NPHP1: variants seen among roughly 807,000 people sequenced by gnomAD.
NPHP1 encodes nephrocystin 1.
A neutral mutation model predicts 90.4 loss-of-function variants in NPHP1; 70 were observed. That is an observed-to-expected ratio of 0.77 (90% confidence interval 0.64 to 0.95). The LOEUF (loss-of-function observed/expected upper bound fraction) is 0.95, where lower values mean the gene tolerates loss of function less well. Among genes scored for constraint, NPHP1 ranks in the 40% least tolerant of loss-of-function variants. The pLI is 0.00. For synonymous variants in NPHP1, 256 were observed against 271.7 expected (o/e 0.94, Z 0.57); for missense variants, 764 against 795.9 (o/e 0.96, Z 0.48).
At chr2:110,141,821 A>G (rs1381521583) in intron 16 of NPHP1, among the ~76,000 whole-genome samples, 3 of 151,762 alleles carry the variant, frequency 2.0e-5, no homozygotes, top group Non-Finnish European at 4.4e-5. Flanking sequence ...AAATACAAAA[A>G]AATTAGCAGG....
chr2:110,136,597 C>T (rs1055467249), intron 16 of NPHP1, among the ~76,000 whole-genome samples: 17 of 152,028 alleles, frequency 1.1e-4, no homozygotes, highest in African/African-American at 4.1e-4. Flanking sequence ...AATAAAATAC[C>T]TAGGAATCCA....
intron 2 of NPHP1, among the ~76,000 whole-genome samples, chr2:110,193,666 A>G (rs1684921919): frequency 6.6e-6 from 1 of 152,204 alleles, no homozygotes; most frequent in Non-Finnish European, 1.5e-5. Flanking sequence ...CCTAATAGAC[A>G]TCTACAGAAC....
chr2:110,175,287 T>A (rs1029460347), intron 4 of NPHP1, among the ~76,000 whole-genome samples: 12 of 152,178 alleles, frequency 7.9e-5, no homozygotes, highest in Non-Finnish European at 1.3e-4. Context: ...GGCTTTTATA[T>A]GTACCCACGT....
chr2:110,129,171 A>G lies in NPHP1; in HGVS notation c.1716+15T>C, dbSNP rs368590150. Reference sequence around the variant, plus strand: ...CATAAGCCAGCAGGTTTCCATTGCAATGCATGCTACCCACCCTGAGAGCAT... The same window carrying G: ...CATAAGCCAGCAGGTTTCCATTGCAGTGCATGCTACCCACCCTGAGAGCAT... On this transcript the variant is annotated intron_variant, in intron 18 of 19. Transcript: ENST00000445609. The G allele has an allele frequency of 3.0e-5, 48 of 1,605,574 alleles. No homozygotes were observed. The Middle Eastern group carries it at 8.3e-4, about 28-fold the overall frequency.
intron 2 of NPHP1, chr2:110,184,823 G>T: frequency 1.4e-6 from 1 of 708,236 alleles, no homozygotes; most frequent in South Asian, 1.4e-5. Context: ...CAGCACCATT[G>T]AGATTGGTCC....
At chr2:110,183,359 T>A (rs936810926) in intron 2 of NPHP1, among the ~76,000 whole-genome samples, 2 of 152,220 alleles carry the variant, frequency 1.3e-5, no homozygotes, top group Non-Finnish European at 2.9e-5. Context: ...CTTAAGGACA[T>A]GTTCCTGTTG....
chr2:110,189,479 C>T (rs1684535221), intron 2 of NPHP1, among the ~76,000 whole-genome samples: 1 of 152,104 alleles, frequency 6.6e-6, no homozygotes, highest in Admixed American at 6.5e-5. Flanking sequence ...AGGAGTGAAG[C>T]TGCAGACCTT....
chr2:110,180,481 T>C, intron 2 of NPHP1, among the ~76,000 whole-genome samples: 1 of 134,892 alleles, frequency 7.4e-6, no homozygotes, highest in Non-Finnish European at 1.5e-5. Flanking sequence ...TGCTTATAGA[T>C]GTGAGTGAAA....
chr2:110,165,173 T>C lies in NPHP1; in HGVS notation c.625-18A>G, dbSNP rs757849239. Reference sequence around the variant, plus strand: ...CTATAAGGCTAAAAAACCATTGAAATGTGAAGTGCTTTTTAACTAATGCAA... The same window carrying C: ...CTATAAGGCTAAAAAACCATTGAAACGTGAAGTGCTTTTTAACTAATGCAA... On this transcript the variant is annotated intron_variant, in intron 6 of 19. Transcript: ENST00000445609. The C allele has an allele frequency of 6.3e-7, 1 of 1,584,966 alleles. No homozygotes were observed. The highest frequency in any genetic ancestry group is 1.7e-5 in the Admixed American group (1 of 59,976).
intron 4 of NPHP1, among the ~76,000 whole-genome samples, chr2:110,174,881 T>C (rs879005897): frequency 6.6e-6 from 1 of 151,720 alleles, no homozygotes; most frequent in Admixed American, 6.6e-5. Context: ...TGAAGAGCCA[T>C]GTGGTATTCC....
Position 110,168,571 on chromosome 2 carries a change from T to A in NPHP1, c.523-18A>T. The A allele has an allele frequency of 6.9e-7, 1 of 1,444,126 alleles. No individual in the cohort carries two copies. The highest frequency in any genetic ancestry group is 9.8e-7 in the Non-Finnish European group (1 of 1,025,362). 89.5% of individuals were successfully genotyped at this position (1,444,126 alleles called of 1,614,324 possible). ...TCCCCTTTCTTAAAGCAAAACAAAG[T>A]AAACCATTTTAAATAAAATTCAATA... is the stretch of plus-strand genomic sequence containing the variant. On this transcript the variant is annotated intron_variant, in intron 5 of 19. Coordinates refer to ENST00000445609, the MANE Select transcript of NPHP1 (RefSeq NM_001128178.3).
intron 11 of NPHP1, among the ~76,000 whole-genome samples, chr2:110,155,287 A>T (rs892777644): frequency 2.0e-5 from 3 of 152,190 alleles, no homozygotes; most frequent in Non-Finnish European, 4.4e-5. Flanking sequence ...ATGTCCAGTC[A>T]TAAGTTTGCT....
intron 6 of NPHP1, among the ~76,000 whole-genome samples, chr2:110,167,380 C>A (rs1682794333): frequency 1.3e-5 from 2 of 152,092 alleles, no homozygotes; most frequent in South Asian, 4.1e-4. Flanking sequence ...GGGAGAGGAG[C>A]TGGAGACTGA....
intron 16 of NPHP1, among the ~76,000 whole-genome samples, chr2:110,143,047 T>C (rs1213108431): frequency 1.3e-5 from 2 of 152,060 alleles, no homozygotes; most frequent in Admixed American, 6.6e-5. Flanking sequence ...AGAAAGAAAA[T>C]AGGTGTGCCT....
At chr2:110,196,641 G>A (rs1685187307) in intron 2 of NPHP1, among the ~76,000 whole-genome samples, 2 of 152,084 alleles carry the variant, frequency 1.3e-5, no homozygotes, top group African/African-American at 4.8e-5. Context: ...TGACCCAACT[G>A]TCCCATTACT....
Position 110,123,959 on chromosome 2 carries a change from T to C in NPHP1, c.1866A>G (p.Glu622=). ...CTTTCCACCGTGCAGTCTCAGTCTC[T>C]TCTTCTGCCCACCTGAATGGGGGTA... ...TRLPPFRWAE[E]ETETARWKVI... The change falls in exon 20 of 20, where the codon GAA becomes GAG. Residue 622 remains glutamate, a synonymous_variant. Transcript: ENST00000445609. 2 of 1,614,020 alleles carry C rather than the reference T, an allele frequency of 1.2e-6. No individual in the cohort carries two copies. Among genetic ancestry groups the C allele is most frequent in the South Asian group, 1.1e-5 (1 of 91,080 alleles).
intron 11 of NPHP1, among the ~76,000 whole-genome samples, chr2:110,152,171 G>C (rs1443523447): frequency 6.6e-6 from 1 of 152,120 alleles, no homozygotes; most frequent in Admixed American, 6.5e-5. Context: ...AAACGCAAGA[G>C]GGGCTGGGTG....
intron 19 of NPHP1, chr2:110,125,242 AG>A: frequency 6.5e-7 from 1 of 1,536,178 alleles, no homozygotes; most frequent in Non-Finnish European, 8.7e-7. Context: ...CAAGGTAAGC[AG>A]GAGCAATGCA....
At chr2:110,192,154 G>A (rs754530171) in intron 2 of NPHP1, among the ~76,000 whole-genome samples, 5 of 152,180 alleles carry the variant, frequency 3.3e-5, no homozygotes, top group Non-Finnish European at 5.9e-5. Flanking sequence ...AAAGCTGGAC[G>A]GAGAATGACT....
Sources: gnomAD v4.1 joint callset for allele counts (sites outside exome capture counted in the v4.1 genomes callset) on GRCh38, gnomAD v4.1.1 for gene constraint, MANE v1.5 for transcripts, NCBI Gene and HGNC (gene_info 2026-07-23, HGNC 2026-07-21) for gene names.